USP32: variants seen among roughly 807,000 people sequenced by gnomAD.
The protein encoded by USP32 is ubiquitin carboxyl-terminal hydrolase 32.
Under a neutral mutation model 204.8 loss-of-function variants are expected in USP32, and 59 were observed. The ratio of observed to expected loss-of-function variants is 0.29; its 90% CI spans 0.23 to 0.36. The LOEUF is 0.36. Ranked by LOEUF, USP32 falls within the 10% of genes least tolerant of loss-of-function variation. The pLI is 1.00. For missense variants in USP32, 1,160 were observed against 1,946.4 expected (o/e 0.60, Z 7.60); for synonymous variants, 517 against 678.4 (o/e 0.76, Z 3.70).
intron 12 of USP32, among the ~76,000 whole-genome samples, chr17:60,232,327 C>G (rs1329647929): frequency 6.6e-6 from 1 of 150,980 alleles, no homozygotes; most frequent in Non-Finnish European, 1.5e-5. Flanking sequence ...CACACGCCAC[C>G]ACGCCAGGCT....
chr17:60,396,085 T>TC (rs1287533746), upstream of USP32, among the ~76,000 whole-genome samples: 1 of 144,952 alleles, frequency 6.9e-6, no homozygotes, highest in Non-Finnish European at 1.5e-5. Context: ...TTTTTTTTTT[T>TC]TTTTTTTTTT....
At chr17:60,329,374 A>G (rs950576085) in intron 2 of USP32, among the ~76,000 whole-genome samples, 13 of 151,874 alleles carry the variant, frequency 8.6e-5, no homozygotes, top group Non-Finnish European at 1.5e-4. Flanking sequence ...GTTGACTATT[A>G]TATGCTAGGT....
At chr17:60,316,732 T>A in intron 2 of USP32, among the ~76,000 whole-genome samples, 1 of 151,956 alleles carries the variant, frequency 6.6e-6, no homozygotes, top group East Asian at 1.9e-4. Flanking sequence ...TCCCAGCTAC[T>A]CGGGTGGCTG....
At chr17:60,339,554 C>A (rs2088606656) in intron 2 of USP32, among the ~76,000 whole-genome samples, 1 of 149,274 alleles carries the variant, frequency 6.7e-6, no homozygotes, top group African/African-American at 2.5e-5. Flanking sequence ...TTGCACTCCA[C>A]CCTGGGCAAC....
intron 12 of USP32, among the ~76,000 whole-genome samples, chr17:60,232,903 C>T (rs1382916668): frequency 1.3e-5 from 2 of 152,134 alleles, no homozygotes; most frequent in Admixed American, 6.5e-5. Flanking sequence ...ACCATTATTA[C>T]CTTTAACCTT....
chr17:60,250,642 TATGAATATTTAAAAAACTACATGA>T (rs2086142019), intron 11 of USP32, among the ~76,000 whole-genome samples: 1 of 152,190 alleles, frequency 6.6e-6, no homozygotes, highest in Non-Finnish European at 1.5e-5. Flanking sequence ...GTCTTCTGAG[TATGAATATTTAAAAAACTACATGA>T]AAGTTGGGCA....
At chr17:60,321,346 G>GT (rs2088107148) in intron 2 of USP32, among the ~76,000 whole-genome samples, 1 of 152,110 alleles carries the variant, frequency 6.6e-6, no homozygotes, top group Non-Finnish European at 1.5e-5. Context: ...TACAACCAAC[G>GT]TAAGACTGGT....
At chr17:60,404,630 T>C (rs542514762) in intron 1 of USP32, among the ~76,000 whole-genome samples, 1 of 152,326 alleles carries the variant, frequency 6.6e-6, no homozygotes, top group African/African-American at 2.4e-5. Flanking sequence ...CTTGAAGCTA[T>C]GTATGGTTTA....
intron 3 of USP32, among the ~76,000 whole-genome samples, chr17:60,300,910 C>T (rs2087558017): frequency 6.6e-6 from 1 of 152,186 alleles, no homozygotes; most frequent in South Asian, 2.1e-4. Flanking sequence ...GTAGATTTGC[C>T]TAATCTTGAA....
At position 60,252,456 on chromosome 17, in the gene USP32, T is replaced by C. The variant is rs373774007; in HGVS notation, c.1075-14A>G. On this transcript the variant is annotated splice_polypyrimidine_tract_variant and intron_variant, in intron 10 of 33. Coordinates refer to ENST00000300896, the MANE Select transcript of USP32 (RefSeq NM_032582.4). Reference sequence around the variant, plus strand: ...TATGTGACACACCTAGGGAAAAAAATGGTAAATCAAAGTTTATTAACTGCA... The same window carrying C: ...TATGTGACACACCTAGGGAAAAAAACGGTAAATCAAAGTTTATTAACTGCA... 42 of 1,600,896 alleles carry C rather than the reference T, an allele frequency of 2.6e-5. No homozygotes were observed. The African/African-American group carries it at 5.4e-4, about 20-fold the overall frequency.
intron 7 of USP32, 117 bp from the exon 8 acceptor site, chr17:60,266,208 T>C (rs2086587700): frequency 1.4e-6 from 1 of 704,524 alleles, no homozygotes; most frequent in African/African-American, 1.8e-5. Context: ...ATATGTATTC[T>C]GGAACAGTTC....
At chr17:60,422,036 C>CGG in intron 1 of USP32, 1 of 832,292 alleles carries the variant, frequency 1.2e-6, no homozygotes, top group Non-Finnish European at 1.4e-6. Context: ...GCACCCAGCA[C>CGG]GGAGGGCTTA....
chr17:60,214,916 C>T (rs1290965056), intron 16 of USP32, 142 bp from the exon 17 acceptor site: 2 of 1,494,840 alleles, frequency 1.3e-6, no homozygotes, highest in Non-Finnish European at 8.9e-7. Flanking sequence ...ATGAAGAGTA[C>T]CAAAACGCTT....
chr17:60,369,878 C>T (rs987462477), intron 1 of USP32, among the ~76,000 whole-genome samples: 3 of 151,900 alleles, frequency 2.0e-5, no homozygotes, highest in African/African-American at 7.3e-5. Flanking sequence ...GCTAGGACTA[C>T]ATGCACTTGC....
At chr17:60,397,865 CTT>C (rs1225260397) in intron 1 of USP32, among the ~76,000 whole-genome samples, 3 of 152,084 alleles carry the variant, frequency 2.0e-5, no homozygotes, top group African/African-American at 4.8e-5. Context: ...TTTGAAAACT[CTT>C]TTAAGAGTTT....
intron 2 of USP32, among the ~76,000 whole-genome samples, chr17:60,340,577 T>C (rs1306427191): frequency 6.6e-6 from 1 of 152,218 alleles, no homozygotes; most frequent in African/African-American, 2.4e-5. Flanking sequence ...GCACGTGAGA[T>C]GGGTCTCCTG....
At chr17:60,289,944 C>T (rs993847423) in intron 4 of USP32, among the ~76,000 whole-genome samples, 2 of 151,920 alleles carry the variant, frequency 1.3e-5, no homozygotes, top group African/African-American at 2.4e-5. Context: ...ACTTTTAGCC[C>T]GGTACTTTCA....
At chr17:60,191,277 C>T (rs756661169) in intron 28 of USP32, among the ~76,000 whole-genome samples, 14 of 151,374 alleles carry the variant, frequency 9.2e-5, no homozygotes, top group Non-Finnish European at 1.3e-4. Context: ...TGGCAGGCAC[C>T]TATAATCCCA....
At chr17:60,372,743 T>C (rs1368114546) in intron 1 of USP32, among the ~76,000 whole-genome samples, 1 of 148,748 alleles carries the variant, frequency 6.7e-6, no homozygotes, top group Non-Finnish European at 1.5e-5. Context: ...ACTGAAGACA[T>C]TGAGGCAGGA....
Sources: gnomAD v4.1 joint callset for allele counts (sites outside exome capture counted in the v4.1 genomes callset) on GRCh38, gnomAD v4.1.1 for gene constraint, MANE v1.5 for transcripts, NCBI Gene and HGNC (gene_info 2026-07-23, HGNC 2026-07-21) for gene names.